The following CYFIP2 variants were observed in gnomAD, a reference collection of about 807,000 sequenced individuals.
CYFIP2 encodes cytoplasmic FMR1 interacting protein 2.
CYFIP2 carries 29 observed loss-of-function variants against 158.7 expected under a neutral mutation model. That is an observed-to-expected ratio of 0.18 (90% CI 0.14 to 0.25). The LOEUF (loss-of-function observed/expected upper bound fraction) is 0.25, where lower values mean the gene tolerates loss of function less well. Among genes scored for constraint, CYFIP2 ranks in the 10% least tolerant of loss-of-function variants. The pLI is 1.00. For synonymous variants in CYFIP2, 585 were observed against 617.6 expected (o/e 0.95, Z 0.78); for missense variants, 852 against 1,639.5 (o/e 0.52, Z 8.29).
chr5:157,374,463 A>T (rs1581173978), intron 26 of CYFIP2, among the ~76,000 whole-genome samples: 1 of 152,140 alleles, frequency 6.6e-6, no homozygotes, highest in East Asian at 1.9e-4. Flanking sequence ...GCCTTGGGTA[A>T]TAAACTCCCC....
intron 30 of CYFIP2, among the ~76,000 whole-genome samples, chr5:157,391,656 C>T (rs996043285): frequency 4.6e-5 from 7 of 152,136 alleles, no homozygotes; most frequent in African/African-American, 1.7e-4. Flanking sequence ...TGTATATAGA[C>T]CACGTTGTGT....
chr5:157,362,193 A>G (rs1175134332), intron 26 of CYFIP2, among the ~76,000 whole-genome samples: 1 of 152,208 alleles, frequency 6.6e-6, no homozygotes, highest in Non-Finnish European at 1.5e-5. Flanking sequence ...GTCAGCAGAA[A>G]AGAATGTTAG....
At chr5:157,323,841 A>T in intron 15 of CYFIP2, 80 bp from the exon 16 acceptor site, 1 of 1,397,136 alleles carries the variant, frequency 7.2e-7, no homozygotes, top group Non-Finnish European at 9.4e-7. Context: ...AAAAAAATAC[A>T]TAAATACAAC....
Position 157,311,134 on chromosome 5 carries a change from G to A in CYFIP2, c.993-530G>A, listed in dbSNP as rs941870101. ...GGGTGGAGGGAGGGGCCACCCCCAC[G>A]TCTCAGAGTGGCCCTGGCTTCTCCC... On this transcript the variant is annotated intron_variant, in intron 10 of 30. Transcript: ENST00000620254. The surrounding 1 kb of genome is among the most constrained non-coding windows in gnomAD (Gnocchi z 4.7). 31 of 453,568 alleles carry A rather than the reference G, an allele frequency of 6.8e-5. 1 individual carries two copies. Among genetic ancestry groups the A allele is most frequent in the South Asian group, 2.2e-4 (14 of 64,372 alleles). The allele number at this position is 453,568 out of a possible 1,614,324, so 28.1% of individuals were successfully genotyped here.
At chr5:157,389,480 C>A in intron 29 of CYFIP2, 53 bp downstream of exon 29, 5 of 1,454,768 alleles carry the variant, frequency 3.4e-6, no homozygotes, top group Non-Finnish European at 3.7e-6. Context: ...TGTGCTCCTG[C>A]AAGTCATGGG....
intron 1 of CYFIP2, among the ~76,000 whole-genome samples, chr5:157,269,191 A>G (rs1755871665): frequency 6.6e-6 from 1 of 151,916 alleles, no homozygotes; most frequent in African/African-American, 2.4e-5. Flanking sequence ...AAGGAAGGGA[A>G]AGTTAAGAGT....
intron 23 of CYFIP2, among the ~76,000 whole-genome samples, chr5:157,347,392 C>A (rs942886101): frequency 1.3e-5 from 2 of 151,892 alleles, no homozygotes; most frequent in African/African-American, 2.4e-5. Context: ...CTTGGGAACT[C>A]GGGAACAAGC....
chr5:157,305,689 A>T (rs11960536), intron 8 of CYFIP2, among the ~76,000 whole-genome samples: 17,251 of 152,030 alleles, frequency 0.11, 1,444 homozygotes, highest in East Asian at 0.26. Context: ...TTTTTAAAAA[A>T]TTTTTTGTAG....
chr5:157,346,335 G>T (rs1762689188), intron 23 of CYFIP2, among the ~76,000 whole-genome samples: 1 of 152,142 alleles, frequency 6.6e-6, no homozygotes, highest in Non-Finnish European at 1.5e-5. Context: ...AGAACCTTAG[G>T]ATGTGACCTG....
At position 157,296,655 on chromosome 5, in the gene CYFIP2, C is replaced by A. The variant is rs1035397018; in HGVS notation, c.286-18C>A. The A allele has an allele frequency of 1.9e-6, 3 of 1,604,700 alleles. No individual in the cohort carries two copies. The highest frequency in any genetic ancestry group is 2.6e-6 in the Non-Finnish European group (3 of 1,171,992). ...CAGGTGTAAACCAGGATGTGTGTGTCCCCATTATCCCCCACAGGTGAAATG... is the reference window on the plus strand; with the variant it reads ...CAGGTGTAAACCAGGATGTGTGTGTACCCATTATCCCCCACAGGTGAAATG... On this transcript the variant is annotated intron_variant, in intron 4 of 30. Transcript: ENST00000620254.
intron 26 of CYFIP2, chr5:157,376,027 C>A (rs1581177501): frequency 6.6e-6 from 1 of 152,610 alleles, no homozygotes; most frequent in Non-Finnish European, 1.5e-5. Context: ...TGCCCCACTC[C>A]TTTCATATCA....
chr5:157,271,805 C>T (rs139818507), intron 1 of CYFIP2, among the ~76,000 whole-genome samples: 43 of 152,288 alleles, frequency 2.8e-4, no homozygotes, highest in African/African-American at 9.4e-4. Context: ...CCACGTGCTC[C>T]GATCTGGTGG....
At chr5:157,322,017 G>A (rs1022886826) in intron 15 of CYFIP2, among the ~76,000 whole-genome samples, 2 of 152,222 alleles carry the variant, frequency 1.3e-5, no homozygotes, top group African/African-American at 2.4e-5. Context: ...AACAGGCAGA[G>A]AGAAAAGGAG....
chr5:157,341,285 T>A, intron 23 of CYFIP2, 128 bp downstream of exon 23: 1 of 823,468 alleles, frequency 1.2e-6, no homozygotes, highest in Non-Finnish European at 2.0e-6. Flanking sequence ...GCACAGTGGC[T>A]CATACCTTTA....
intron 26 of CYFIP2, among the ~76,000 whole-genome samples, chr5:157,372,245 A>G (rs778601679): frequency 2.6e-5 from 4 of 152,194 alleles, no homozygotes; most frequent in Non-Finnish European, 5.9e-5. Flanking sequence ...GGGAATCACA[A>G]TTCTGAGGTT....
chr5:157,336,026 G>A (rs758914121), intron 21 of CYFIP2, among the ~76,000 whole-genome samples: 7 of 152,146 alleles, frequency 4.6e-5, no homozygotes, highest in Non-Finnish European at 8.8e-5. Flanking sequence ...CCAGTTCCTG[G>A]GAAGCCCATG....
intron 19 of CYFIP2, among the ~76,000 whole-genome samples, chr5:157,329,116 A>G (rs1201831095): frequency 6.6e-6 from 1 of 152,084 alleles, no homozygotes; most frequent in African/African-American, 2.4e-5. Context: ...GTTGATGTGC[A>G]GCACACACAA....
At chr5:157,379,535 G>T (rs1765827588) in intron 26 of CYFIP2, among the ~76,000 whole-genome samples, 1 of 151,842 alleles carries the variant, frequency 6.6e-6, no homozygotes, top group Admixed American at 6.5e-5. Context: ...AGCCAGCTTG[G>T]TGGCACTTAC....
At chr5:157,285,254 C>A in intron 1 of CYFIP2, 85 bp from the exon 2 acceptor site, 1 of 893,420 alleles carries the variant, frequency 1.1e-6, no homozygotes, top group Non-Finnish European at 1.8e-6. Context: ...CTTTATTCTC[C>A]CAAAGGATGC....
Sources: allele counts gnomAD v4.1 joint callset (sites outside exome capture counted in the v4.1 genomes callset), GRCh38; gene constraint gnomAD v4.1.1; non-coding constraint Gnocchi (gnomAD v3.1); transcripts MANE v1.5; gene names NCBI Gene and HGNC (gene_info 2026-07-23, HGNC 2026-07-21).